The following ULK4 variants were observed in gnomAD, a reference collection of about 807,000 sequenced individuals.
The protein encoded by ULK4 is inactive serine/threonine-protein kinase ULK4.
In ULK4, 133 loss-of-function variants were observed where a neutral mutation model predicts 160.6. That is an observed-to-expected ratio of 0.83 (90% CI 0.72 to 0.96). The LOEUF (loss-of-function observed/expected upper bound fraction) is 0.96. ULK4 is among the 40% of genes least tolerant of loss of function. The pLI is 0.00. For synonymous variants in ULK4, 534 were observed against 539.8 expected (o/e 0.99, Z 0.15); for missense variants, 1,580 against 1,499.5 (o/e 1.05, Z -0.89).
At chr3:41,437,861 T>C (rs1035108864) in intron 34 of ULK4, among the ~76,000 whole-genome samples, 4 of 152,154 alleles carry the variant, frequency 2.6e-5, no homozygotes, top group African/African-American at 9.7e-5. Context: ...AGATTCTGTT[T>C]ACAAGTCCTT....
chr3:41,615,299 G>A (rs1327188313), intron 31 of ULK4, among the ~76,000 whole-genome samples: 4 of 152,158 alleles, frequency 2.6e-5, no homozygotes, highest in African/African-American at 4.8e-5. Context: ...CAAAGTCAGA[G>A]GGCTTCATAC....
intron 32 of ULK4, among the ~76,000 whole-genome samples, chr3:41,507,475 A>T (rs1357042033): frequency 6.6e-6 from 1 of 151,948 alleles, no homozygotes; most frequent in African/African-American, 2.4e-5. Context: ...AACATTTAAG[A>T]AACTAAATGA....
chr3:41,775,050 C>T (rs1376104295), intron 21 of ULK4, among the ~76,000 whole-genome samples: 1 of 134,134 alleles, frequency 7.5e-6, no homozygotes, highest in Admixed American at 8.5e-5. Flanking sequence ...GGAAGGGGAA[C>T]ATCACATACC....
chr3:41,759,020 G>C (rs769029295), intron 21 of ULK4, among the ~76,000 whole-genome samples: 2 of 151,744 alleles, frequency 1.3e-5, no homozygotes, highest in African/African-American at 4.8e-5. Context: ...AGGAATAAAA[G>C]AGACCTCCTC....
chr3:41,627,041 TAAA>T (rs1192282014), intron 30 of ULK4, among the ~76,000 whole-genome samples: 12 of 152,160 alleles, frequency 7.9e-5, no homozygotes, highest in Admixed American at 7.9e-4. Flanking sequence ...TTCAGAGAGA[TAAA>T]GAAGTGGGTT....
rs73830266 is a variant in ULK4 at position 41,582,846 on chromosome 3, T to C, written c.3121-16716A>G. Among the ~76,000 whole-genome samples the C allele has an allele frequency of 3.3e-3, 509 of 152,368 alleles. 3 individuals are homozygous for C. Among genetic ancestry groups the C allele is most frequent in the African/African-American group, 0.012 (486 of 41,590 alleles). On this transcript the variant is annotated intron_variant, in intron 31 of 36. Coordinates refer to ENST00000301831, the MANE Select transcript of ULK4 (RefSeq NM_017886.4). ...ATTATTGTCTACAAATATGATTTAG[T>C]TGTAGATATGCCTGAAGGCAAAGGG...
At chr3:41,936,845 T>G (rs937691240) in intron 3 of ULK4, among the ~76,000 whole-genome samples, 1 of 152,190 alleles carries the variant, frequency 6.6e-6, no homozygotes, top group African/African-American at 2.4e-5. Context: ...TAAAAACTAG[T>G]ATTTGATAGT....
At chr3:41,661,519 G>GATAA (rs1559468904) in intron 30 of ULK4, among the ~76,000 whole-genome samples, 6 of 139,280 alleles carry the variant, frequency 4.3e-5, no homozygotes, top group African/African-American at 1.4e-4. Flanking sequence ...ATGATAGATA[G>GATAA]ATAGATAGAT....
In ULK4 at chr3:41,389,102, G is replaced by A. The variant is rs2081892795; in HGVS notation, c.3678+8977C>T. Reference sequence around the variant, plus strand: ...AAGAGGTCCTTCACATCCCTTGTAGGCTGGATTCCTAGGTATTTTATTCTC... The same window carrying A: ...AAGAGGTCCTTCACATCCCTTGTAGACTGGATTCCTAGGTATTTTATTCTC... On this transcript the variant is annotated intron_variant, in intron 35 of 36. Coordinates refer to ENST00000301831, the MANE Select transcript of ULK4 (RefSeq NM_017886.4). Among the ~76,000 whole-genome samples, 2 of 152,024 alleles carry A rather than the reference G, an allele frequency of 1.3e-5. 1 individual carries two copies. Among genetic ancestry groups the A allele is most frequent in the Non-Finnish European group, 2.9e-5 (2 of 68,028 alleles).
chr3:41,685,328 C>A (rs1169646358), intron 27 of ULK4, among the ~76,000 whole-genome samples: 2 of 152,146 alleles, frequency 1.3e-5, no homozygotes, highest in East Asian at 3.9e-4. Context: ...GGGAATGAGA[C>A]AGAGTAGCAA....
chr3:41,827,519 A>C (rs1336073170), intron 18 of ULK4, among the ~76,000 whole-genome samples: 1 of 152,040 alleles, frequency 6.6e-6, no homozygotes, highest in Non-Finnish European at 1.5e-5. Context: ...TACTACAAAC[A>C]CCTCTATGCA....
chr3:41,640,880 G>A (rs1260145579), intron 30 of ULK4, among the ~76,000 whole-genome samples: 2 of 152,162 alleles, frequency 1.3e-5, no homozygotes, highest in Non-Finnish European at 2.9e-5. Flanking sequence ...TCACTGGAGT[G>A]AAGATCAAGA....
chr3:41,290,815 C>T lies in ULK4; in HGVS notation c.3679-41241G>A, dbSNP rs546768387. Among the ~76,000 whole-genome samples, 64 of 152,316 alleles carry T rather than the reference C, an allele frequency of 4.2e-4. 1 individual carries two copies. Among genetic ancestry groups the T allele is most frequent in the African/African-American group, 1.4e-3 (57 of 41,572 alleles). ...CTGTTCTCACCCTTCTATGTTCCTG[C>T]CTGTATGCAGGAATCCTGAAAACTA... On this transcript the variant is annotated intron_variant, in intron 35 of 36. Coordinates refer to ENST00000301831, the MANE Select transcript of ULK4 (RefSeq NM_017886.4).
At chr3:41,746,297 C>A (rs866162852) in intron 22 of ULK4, among the ~76,000 whole-genome samples, 1,052 of 69,204 alleles carry the variant, frequency 0.015, 34 homozygotes, top group African/African-American at 0.09. Context: ...AAAAAAAAAA[C>A]CACCTACAAC....
At chr3:41,305,204 C>CGG (rs1476302786) in intron 35 of ULK4, among the ~76,000 whole-genome samples, 1 of 148,232 alleles carries the variant, frequency 6.7e-6, no homozygotes, top group African/African-American at 2.5e-5. Flanking sequence ...CTCCCTCTCC[C>CGG]TCTCCCCACG....
intron 35 of ULK4, among the ~76,000 whole-genome samples, chr3:41,321,499 G>T (rs1249791375): frequency 6.6e-6 from 1 of 152,044 alleles, no homozygotes; most frequent in East Asian, 1.9e-4. Context: ...GACATGAGCA[G>T]GGCAGGAGAC....
In ULK4 at chr3:41,839,373, C is replaced by CA. The variant is rs535967310; in HGVS notation, c.1657-3403dup. On this transcript the variant is annotated intron_variant, in intron 17 of 36. Coordinates refer to ENST00000301831, the MANE Select transcript of ULK4 (RefSeq NM_017886.4). The stretch of plus-strand genomic sequence containing the variant: ...GAGTACATTTTACATGTTCTCACTA[C>CA]AAAAAATACTAAATATGTGAAGTAA... Among the ~76,000 whole-genome samples, 25 of 150,722 alleles carry CA rather than the reference C, an allele frequency of 1.7e-4. No individual in the cohort carries two copies. In the East Asian group the frequency reaches 4.8e-3, roughly 29 times the overall value.
chr3:41,849,313 G>A (rs2042148262), intron 17 of ULK4, among the ~76,000 whole-genome samples: 2 of 152,172 alleles, frequency 1.3e-5, no homozygotes, highest in South Asian at 2.1e-4. Flanking sequence ...GGGTAGAGAA[G>A]CATTTGTATA....
intron 23 of ULK4, 149 bp from the exon 24 acceptor site, chr3:41,715,717 T>A: frequency 1.0e-6 from 1 of 1,003,494 alleles, no homozygotes; most frequent in Non-Finnish European, 1.4e-6. Context: ...GTACTGAAAT[T>A]ACAACAGACA....
Sources: allele counts gnomAD v4.1 joint callset (sites outside exome capture counted in the v4.1 genomes callset), GRCh38; gene constraint gnomAD v4.1.1; transcripts MANE v1.5; gene names NCBI Gene and HGNC (gene_info 2026-07-23, HGNC 2026-07-21).